The following LRMDA variants were observed in gnomAD, a reference collection of about 807,000 sequenced individuals.
LRMDA encodes leucine rich melanocyte differentiation associated, also known as leucine-rich melanocyte differentiation-associated protein.
In LRMDA, 18 loss-of-function variants were observed where a neutral mutation model predicts 29.8. The ratio of observed to expected loss-of-function variants is 0.60; its 90% CI spans 0.42 to 0.90. The LOEUF is 0.90. Among genes scored for constraint, LRMDA ranks in the 40% least tolerant of loss-of-function variants. The pLI is 0.00. For synonymous variants in LRMDA, 125 were observed against 109.4 expected (o/e 1.14, Z -0.89); for missense variants, 273 against 273.9 (o/e 1.00, Z 0.02).
intron 2 of LRMDA, among the ~76,000 whole-genome samples, chr10:75,471,233 G>T (rs898560371): frequency 6.6e-6 from 1 of 151,980 alleles, no homozygotes; most frequent in Non-Finnish European, 1.5e-5. Context: ...GGGTGTGAGT[G>T]GGGTGTGGTT....
intron 6 of LRMDA, among the ~76,000 whole-genome samples, chr10:76,365,336 A>G (rs1841380181): frequency 1.3e-5 from 2 of 151,906 alleles, no homozygotes; most frequent in Admixed American, 1.3e-4. Flanking sequence ...TGTTTTTCAT[A>G]GTGGCTGTAC....
At position 75,675,707 on chromosome 10, in the gene LRMDA, C is replaced by CT. The variant is rs11295775; in HGVS notation, c.131+237225dup. On this transcript the variant is annotated intron_variant, in intron 2 of 6. Coordinates refer to ENST00000611255, the MANE Select transcript of LRMDA (RefSeq NM_001305581.2). ...GTCGCACCAGAAATCTATTGTTCAA[C>CT]TTTTTTTTTTTTGTTTGTTTGAAAA... Among the ~76,000 whole-genome samples the CT allele has an allele frequency of 2.3e-3, 347 of 150,030 alleles. 1 individual carries two copies. Among genetic ancestry groups the CT allele is most frequent in the African/African-American group, 7.9e-3 (327 of 41,156 alleles).
intron 3 of LRMDA, among the ~76,000 whole-genome samples, chr10:76,040,171 T>A (rs1247246393): frequency 6.6e-6 from 1 of 152,134 alleles, no homozygotes; most frequent in East Asian, 1.9e-4. Context: ...GCGGCAATCA[T>A]TGTACAAGGA....
At chr10:76,465,679 C>T (rs541010236) in intron 6 of LRMDA, among the ~76,000 whole-genome samples, 181 of 152,270 alleles carry the variant, frequency 1.2e-3, no homozygotes, top group Non-Finnish European at 2.1e-3. Flanking sequence ...TCTAGGGCTT[C>T]CATAAGAAAT....
chr10:76,182,678 C>T (rs1347369516), intron 5 of LRMDA, among the ~76,000 whole-genome samples: 1 of 151,960 alleles, frequency 6.6e-6, no homozygotes, highest in African/African-American at 2.4e-5. Context: ...GTCTGGTGTC[C>T]CTGACACAAG....
At chr10:75,566,919 G>T (rs1840379795) in intron 2 of LRMDA, among the ~76,000 whole-genome samples, 1 of 152,184 alleles carries the variant, frequency 6.6e-6, no homozygotes, top group African/African-American at 2.4e-5. Context: ...TTTAGTAAAT[G>T]ACATCCCATG....
At chr10:76,228,134 G>A (rs1851994706) in intron 5 of LRMDA, among the ~76,000 whole-genome samples, 1 of 151,476 alleles carries the variant, frequency 6.6e-6, no homozygotes, top group African/African-American at 2.4e-5. Context: ...TGATTCTCCT[G>A]CCTCAGCCTC....
intron 5 of LRMDA, among the ~76,000 whole-genome samples, chr10:76,112,704 G>A (rs1182898407): frequency 6.6e-6 from 1 of 152,114 alleles, no homozygotes; most frequent in Non-Finnish European, 1.5e-5. Context: ...GGCTCCCGGA[G>A]CCCCCAGTGC....
intron 2 of LRMDA, among the ~76,000 whole-genome samples, chr10:75,906,498 C>G (rs1311086196): frequency 6.6e-6 from 1 of 152,124 alleles, no homozygotes; most frequent in African/African-American, 2.4e-5. Flanking sequence ...CTTGCACTTC[C>G]CTAGTCTCAT....
rs377201147 is a variant in LRMDA at position 76,399,635 on chromosome 10, G to A, written c.601+75150G>A. Among the ~76,000 whole-genome samples the A allele has an allele frequency of 4.1e-4, 62 of 152,226 alleles. 1 individual carries two copies. In the South Asian group the frequency reaches 4.4e-3, roughly 11 times the overall value. ...TATTCTAGGATCTCGAATTCAGTAC[G>A]TTCTCTTTTTCCCCCCAAAACAATG... On this transcript the variant is annotated intron_variant, in intron 6 of 6. Transcript: ENST00000611255.
intron 6 of LRMDA, chr10:76,433,683 T>C (rs1842215204): frequency 6.6e-6 from 1 of 152,260 alleles, no homozygotes; most frequent in African/African-American, 2.4e-5. Context: ...ACTGAAGCCA[T>C]GGATCATGTT....
rs545035538 is a variant in LRMDA at position 75,431,780 on chromosome 10, G to A, written c.30+26G>A. 2.6e-5 allele frequency: 35 copies of A among 1,347,144 alleles called. No homozygotes were observed. The East Asian group carries it at 4.9e-4, about 19-fold the overall frequency. 83.4% of individuals were successfully genotyped at this position (1,347,144 alleles called of 1,614,324 possible). A position where few individuals can be genotyped will look rare whatever the true frequency, so the allele number is the denominator to read the frequency against. ...GTAAGTCCCGGCCAGCCCCGCCTCC[G>A]CCCGGGGCGCAGTCCGCGTGGGGAG... On this transcript the variant is annotated intron_variant, in intron 1 of 6. Coordinates refer to ENST00000611255, the MANE Select transcript of LRMDA (RefSeq NM_001305581.2).
At chr10:76,047,096 T>C in intron 3 of LRMDA, 68 bp from the exon 4 acceptor site, 1 of 1,569,378 alleles carries the variant, frequency 6.4e-7, no homozygotes, top group South Asian at 1.1e-5. Flanking sequence ...TCAGCGCCTG[T>C]CAGTCATGGC....
intron 6 of LRMDA, among the ~76,000 whole-genome samples, chr10:76,393,878 G>A (rs1330575363): frequency 3.3e-5 from 5 of 152,006 alleles, no homozygotes; most frequent in Non-Finnish European, 7.4e-5. Context: ...CTTCTGTTGT[G>A]GATATTCAGT....
At chr10:75,844,540 C>A (rs927029453) in intron 2 of LRMDA, among the ~76,000 whole-genome samples, 143 of 152,282 alleles carry the variant, frequency 9.4e-4, no homozygotes, top group African/African-American at 3.4e-3. Flanking sequence ...ATCTTGGCTC[C>A]CCCGTGATGA....
At chr10:75,469,070 G>T (rs1415525204) in intron 2 of LRMDA, among the ~76,000 whole-genome samples, 2 of 152,078 alleles carry the variant, frequency 1.3e-5, no homozygotes, top group African/African-American at 2.4e-5. Context: ...CTATGGGAGA[G>T]CATGGGGAAA....
chr10:75,587,912 G>A (rs557516407), intron 2 of LRMDA, among the ~76,000 whole-genome samples: 85 of 152,384 alleles, frequency 5.6e-4, no homozygotes, highest in African/African-American at 1.9e-3. Context: ...GGCAGAGCTG[G>A]AAATCTTAAA....
chr10:76,113,835 T>C (rs1296292046), intron 5 of LRMDA, among the ~76,000 whole-genome samples: 1 of 152,214 alleles, frequency 6.6e-6, no homozygotes, highest in African/African-American at 2.4e-5. Flanking sequence ...GGTCTCTGGC[T>C]GTCAAGAACG....
intron 6 of LRMDA, among the ~76,000 whole-genome samples, chr10:76,515,313 A>G (rs1843048946): frequency 6.6e-6 from 1 of 152,214 alleles, no homozygotes; most frequent in South Asian, 2.1e-4. Context: ...AAATGTCTAG[A>G]AAATAAATTT....
Sources: allele counts gnomAD v4.1 joint callset (sites outside exome capture counted in the v4.1 genomes callset), GRCh38; gene constraint gnomAD v4.1.1; transcripts MANE v1.5; gene names NCBI Gene and HGNC (gene_info 2026-07-23, HGNC 2026-07-21).